HDAC9: variants seen among roughly 807,000 people sequenced by gnomAD.
The protein encoded by HDAC9 is histone deacetylase 9.
Under a neutral mutation model 139.4 loss-of-function variants are expected in HDAC9, and 41 were observed. That is an observed-to-expected ratio of 0.29 (90% CI 0.23 to 0.38). HDAC9 has a LOEUF of 0.38. HDAC9 is among the 10% of genes least tolerant of loss of function. The pLI, the probability that HDAC9 is intolerant of heterozygous loss-of-function variation, is 1.00. For missense variants in HDAC9, 1,147 were observed against 1,297.0 expected (o/e 0.88, Z 1.78); for synonymous variants, 517 against 476.2 (o/e 1.09, Z -1.12).
At chr7:18,861,907 A>G (rs1454464632) in intron 21 of HDAC9, among the ~76,000 whole-genome samples, 5 of 152,312 alleles carry the variant, frequency 3.3e-5, no homozygotes, top group African/African-American at 7.2e-5. Flanking sequence ...ATTATGATGT[A>G]TATGTGCTAT....
intron 11 of HDAC9, among the ~76,000 whole-genome samples, chr7:18,649,515 T>C (rs775885333): frequency 6.6e-6 from 1 of 152,116 alleles, no homozygotes; most frequent in Non-Finnish European, 1.5e-5. Flanking sequence ...CAAGTTATGT[T>C]ACAGAGGCAT....
chr7:19,001,434 C>T lies in HDAC9; in HGVS notation c.*5372C>T, dbSNP rs548816103. The T allele has an allele frequency of 1.3e-5, 2 of 151,630 alleles. No individual in the cohort carries two copies. Among genetic ancestry groups the T allele is most frequent in the East Asian group, 3.9e-4 (2 of 5,170 alleles). 9.4% of individuals were successfully genotyped at this position (151,630 alleles called of 1,614,324 possible). A position where few individuals can be genotyped will look rare whatever the true frequency, so the allele number is the denominator to read the frequency against. Reference sequence around the variant, plus strand: ...GGACATTGTGGTCATGTCCTTAATCCTTCATTGTGATGCCCCTTCTTGGAG... The same window carrying T: ...GGACATTGTGGTCATGTCCTTAATCTTTCATTGTGATGCCCCTTCTTGGAG... On this transcript the variant is annotated 3_prime_UTR_variant, in exon 26 of 26. Transcript: ENST00000686413.
At chr7:18,791,715 C>T (rs914626530) in intron 16 of HDAC9, among the ~76,000 whole-genome samples, 11 of 152,032 alleles carry the variant, frequency 7.2e-5, no homozygotes, top group African/African-American at 2.4e-4. Flanking sequence ...GTGAGAGTCC[C>T]GTGGTCTTCA....
Position 18,999,717 on chromosome 7 carries a change from G to A in HDAC9, c.*3655G>A, listed in dbSNP as rs2129357320. ...GCCTCCCAAAGTGCTGAAATTACAG[G>A]TGTGAGCCACTGCACCCGGCCAAAC... On this transcript the variant is annotated 3_prime_UTR_variant, in exon 26 of 26. Coordinates refer to ENST00000686413, the MANE Select transcript of HDAC9 (RefSeq NM_178425.4). The A allele has an allele frequency of 6.6e-6, 1 of 152,314 alleles. No individual in the cohort carries two copies. Among genetic ancestry groups the A allele is most frequent in the East Asian group, 1.9e-4 (1 of 5,178 alleles). 9.4% of individuals were successfully genotyped at this position (152,314 alleles called of 1,614,324 possible). A position where few individuals can be genotyped will look rare whatever the true frequency, so the allele number is the denominator to read the frequency against.
At chr7:18,208,372 C>CTT (rs71553923) in intron 2 of HDAC9, among the ~76,000 whole-genome samples, 25,868 of 130,434 alleles carry the variant, frequency 0.2, 2,955 homozygotes, top group Middle Eastern at 0.23. Flanking sequence ...CTGAGAGTAT[C>CTT]TTTTTTTTTT....
Position 18,990,126 on chromosome 7 carries a change from C to T in HDAC9, c.3171-5897C>T, listed in dbSNP as rs377725734. On this transcript the variant is annotated intron_variant, in intron 25 of 25. Coordinates refer to ENST00000686413, the MANE Select transcript of HDAC9 (RefSeq NM_178425.4). ...CTGAGTTCCTTTGGAGGAGGAGAGG[C>T]ACTCTGCGTTTTAGAGTTTCCAGTT... 2.4e-3 allele frequency among the ~76,000 whole-genome samples: 366 copies of T among 152,280 alleles called. 12 individuals are homozygous for T. In the East Asian group the frequency reaches 0.063, roughly 26 times the overall value.
intron 13 of HDAC9, among the ~76,000 whole-genome samples, chr7:18,733,121 A>G (rs1786498378): frequency 6.9e-6 from 1 of 145,382 alleles, no homozygotes; most frequent in South Asian, 2.1e-4. Context: ...ATATGTGTAT[A>G]CATGTATATA....
At chr7:18,605,114 T>A (rs1356310254) in intron 6 of HDAC9, among the ~76,000 whole-genome samples, 1 of 152,144 alleles carries the variant, frequency 6.6e-6, no homozygotes, top group Admixed American at 6.5e-5. Flanking sequence ...TTTCTCTAGT[T>A]TCCTTTGATT....
chr7:18,335,297 C>A (rs1781503092), intron 1 of HDAC9, among the ~76,000 whole-genome samples: 1 of 151,488 alleles, frequency 6.6e-6, no homozygotes. Flanking sequence ...GCAATAGCTG[C>A]AGAGAGATAA....
At chr7:18,388,374 C>T (rs1786140819) in intron 1 of HDAC9, among the ~76,000 whole-genome samples, 1 of 152,200 alleles carries the variant, frequency 6.6e-6, no homozygotes, top group Non-Finnish European at 1.5e-5. Context: ...AGCCCCCATC[C>T]CTTCCATGTA....
chr7:18,178,027 T>C (rs941281622), intron 2 of HDAC9, among the ~76,000 whole-genome samples: 1 of 152,112 alleles, frequency 6.6e-6, no homozygotes, highest in Non-Finnish European at 1.5e-5. Context: ...TGCTATCCAC[T>C]GAACTTCCTC....
At chr7:18,907,226 A>G (rs1019867353) in intron 22 of HDAC9, among the ~76,000 whole-genome samples, 9 of 152,336 alleles carry the variant, frequency 5.9e-5, no homozygotes, top group Middle Eastern at 3.4e-3. Context: ...ATGGAAAACA[A>G]TTTAGCTCAA....
At chr7:18,300,238 T>A (rs1405067232) in intron 1 of HDAC9, among the ~76,000 whole-genome samples, 2 of 152,086 alleles carry the variant, frequency 1.3e-5, no homozygotes, top group Admixed American at 6.5e-5. Flanking sequence ...TGTTAGTGCA[T>A]TTTATGTGTG....
chr7:18,235,299 T>C (rs1254776621), intron 2 of HDAC9, among the ~76,000 whole-genome samples: 1 of 152,214 alleles, frequency 6.6e-6, no homozygotes, highest in African/African-American at 2.4e-5. Context: ...ATATTGGAAA[T>C]ATACCTCCGA....
intron 16 of HDAC9, among the ~76,000 whole-genome samples, chr7:18,780,597 A>C (rs1184945101): frequency 6.6e-6 from 1 of 152,072 alleles, no homozygotes; most frequent in East Asian, 1.9e-4. Context: ...TACCTGGTGC[A>C]GACTGAAGAT....
intron 12 of HDAC9, among the ~76,000 whole-genome samples, chr7:18,693,953 G>T (rs911439286): frequency 1.6e-4 from 24 of 152,158 alleles, no homozygotes; most frequent in African/African-American, 5.8e-4. Flanking sequence ...TAGTAAACTA[G>T]TAGCCAACTA....
chr7:18,445,332 T>G (rs1032497207), intron 1 of HDAC9, among the ~76,000 whole-genome samples: 9 of 152,196 alleles, frequency 5.9e-5, no homozygotes, highest in African/African-American at 2.2e-4. Context: ...TTTTCTACTA[T>G]AGGCTATTTT....
upstream of HDAC9, among the ~76,000 whole-genome samples, chr7:18,493,293 G>T (rs73060396): frequency 0.06 from 9,085 of 151,694 alleles, 369 homozygotes; most frequent in South Asian, 0.13. Context: ...ATAAATTTTT[G>T]TATTCTGTTA....
At chr7:18,945,467 T>C (rs1782310153) in intron 23 of HDAC9, among the ~76,000 whole-genome samples, 1 of 152,238 alleles carries the variant, frequency 6.6e-6, no homozygotes, top group African/African-American at 2.4e-5. Flanking sequence ...TGACCTTTGA[T>C]AATTGAAAGT....
Sources: gnomAD v4.1 joint callset for allele counts (sites outside exome capture counted in the v4.1 genomes callset) on GRCh38, gnomAD v4.1.1 for gene constraint, MANE v1.5 for transcripts, NCBI Gene and HGNC (gene_info 2026-07-23, HGNC 2026-07-21) for gene names.